Variants in KLRD1 observed in about 807,000 individuals in gnomAD.
KLRD1 encodes the protein natural killer cells antigen CD94.
KLRD1 carries 21 observed loss-of-function variants against 22.6 expected under a neutral mutation model. The observed-to-expected ratio is 0.93, with a 90% confidence interval of 0.66 to 1.34. The LOEUF (loss-of-function observed/expected upper bound fraction) is 1.34, where lower values mean the gene tolerates loss of function less well. Ranked by LOEUF, KLRD1 falls within the 40% of genes most tolerant of loss-of-function variation. The probability of loss-of-function intolerance (pLI) is 0.00; values close to 1 mark genes in which losing one functional copy is unlikely to be tolerated. For synonymous variants in KLRD1, 59 were observed against 71.1 expected (o/e 0.83, Z 0.85); for missense variants, 183 against 208.6 (o/e 0.88, Z 0.76).
chr12:10,284,177 ACT>A (rs1375093840), intron 1 of KLRD1, among the ~76,000 whole-genome samples: 1 of 151,880 alleles, frequency 6.6e-6, no homozygotes, highest in Non-Finnish European at 1.5e-5. Context: ...CAAGAGTAAA[ACT>A]CTCTCTCAAA....
intron 1 of KLRD1, among the ~76,000 whole-genome samples, chr12:10,262,480 T>C (rs540709794): frequency 1.8e-4 from 27 of 152,236 alleles, no homozygotes; most frequent in African/African-American, 6.3e-4. Flanking sequence ...TTCTGACAAG[T>C]ACACCATTGT....
intron 1 of KLRD1, among the ~76,000 whole-genome samples, chr12:10,283,392 G>A (rs774055783): frequency 2.6e-5 from 4 of 152,180 alleles, no homozygotes; most frequent in Non-Finnish European, 5.9e-5. Context: ...AGCGGAGAGT[G>A]GGGATAAGGT....
At chr12:10,299,811 T>A (rs1314375103), upstream of KLRD1, among the ~76,000 whole-genome samples, 4 of 152,246 alleles carry the variant, frequency 2.6e-5, no homozygotes, top group Non-Finnish European at 5.9e-5. Flanking sequence ...GTGGAACTTC[T>A]TTCAAAATTG....
chr12:10,243,965 A>G (rs1010419739), intron 1 of KLRD1, among the ~76,000 whole-genome samples: 1 of 152,182 alleles, frequency 6.6e-6, no homozygotes, highest in Admixed American at 6.5e-5. Context: ...AGAGCTTCAG[A>G]TGGCTTCACT....
At chr12:10,263,922 C>G (rs531340395) in intron 1 of KLRD1, among the ~76,000 whole-genome samples, 12 of 152,066 alleles carry the variant, frequency 7.9e-5, no homozygotes, top group African/African-American at 2.6e-4. Flanking sequence ...TGGGTTATTC[C>G]GTATTTTAAA....
At chr12:10,313,300 G>A (rs1950141026) in intron 4 of KLRD1, 110 bp from the exon 5 acceptor site, 3 of 546,826 alleles carry the variant, frequency 5.5e-6, no homozygotes, top group Non-Finnish European at 3.2e-6. Context: ...ATTTCCGTTT[G>A]TGTGATGGAC....
In KLRD1 at chr12:10,324,819, T is replaced by TATATATATATATATATATATATAA. The variant is rs1491194964; in HGVS notation, c.*10049_*10050insAATATATATATATATATATATATA. ...GTATATATGTATATGTGTGTGTGTG[T>TATATATATATATATATATATATAA]ATATATATATATATATATATATATT... On this transcript the variant is annotated 3_prime_UTR_variant, in exon 6 of 6. Coordinates refer to ENST00000336164, the MANE Select transcript of KLRD1 (RefSeq NM_002262.5). 3.6e-4 allele frequency: 2 copies of TATATATATATATATATATATATAA among 5,600 alleles called. No homozygotes were observed. The highest frequency in any genetic ancestry group is 1.3e-3 in the Non-Finnish European group (2 of 1,538). 0.3% of individuals were successfully genotyped at this position (5,600 alleles called of 1,614,324 possible). A position where few individuals can be genotyped will look rare whatever the true frequency, so the allele number is the denominator to read the frequency against.
chr12:10,251,425 C>G (rs908771157), intron 1 of KLRD1, among the ~76,000 whole-genome samples: 17 of 151,966 alleles, frequency 1.1e-4, no homozygotes, highest in Non-Finnish European at 2.4e-4. Flanking sequence ...ATGCCCAGCC[C>G]TTTTATGCTA....
intron 1 of KLRD1, among the ~76,000 whole-genome samples, chr12:10,286,385 ATACATTAAAC>A (rs1949702969): frequency 6.6e-6 from 1 of 152,204 alleles, no homozygotes; most frequent in Non-Finnish European, 1.5e-5. Context: ...CTATATGTTT[ATACATTAAAC>A]CATTCTCAGA....
intron 1 of KLRD1, among the ~76,000 whole-genome samples, chr12:10,239,434 T>TTCCTTTCC (rs59390706): frequency 0.047 from 1,942 of 41,430 alleles, 214 homozygotes; most frequent in East Asian, 0.23. Context: ...CCTTCCTTCC[T>TTCCTTTCC]TTCCTTCCTT....
chr12:10,324,674 G>A lies in KLRD1; in HGVS notation c.*9881G>A, dbSNP rs973785457. 2.0e-5 allele frequency: 3 copies of A among 151,096 alleles called. No individual in the cohort carries two copies. The highest frequency in any genetic ancestry group is 7.3e-5 in the African/African-American group (3 of 41,204). The allele number at this position is 151,096 out of a possible 1,614,324, so 9.4% of individuals were successfully genotyped here. On this transcript the variant is annotated 3_prime_UTR_variant, in exon 6 of 6. Transcript: ENST00000336164. Reference sequence around the variant, plus strand: ...CTTAAGTTATACTCAGTAATGTTTTGTAGTTTTTAATATTCAGGCCTTTTA... The same window carrying A: ...CTTAAGTTATACTCAGTAATGTTTTATAGTTTTTAATATTCAGGCCTTTTA...
chr12:10,289,220 A>G (rs1949741581), intron 1 of KLRD1, among the ~76,000 whole-genome samples: 1 of 152,216 alleles, frequency 6.6e-6, no homozygotes, highest in African/African-American at 2.4e-5. Context: ...CCAACAGTTC[A>G]CCACAGAGAA....
At chr12:10,239,712 G>A (rs1022825134) in intron 1 of KLRD1, among the ~76,000 whole-genome samples, 4 of 151,194 alleles carry the variant, frequency 2.6e-5, no homozygotes, top group Admixed American at 6.6e-5. Context: ...CATGATCTCA[G>A]TTCACTGTAA....
chr12:10,309,212 A>C, intron 1 of KLRD1, 176 bp from the exon 2 acceptor site: 1 of 514,096 alleles, frequency 1.9e-6, no homozygotes, highest in Non-Finnish European at 3.4e-6. Flanking sequence ...ACATCACATA[A>C]AAATGTTGGT....
chr12:10,275,414 G>A (rs1023899113), intron 1 of KLRD1, among the ~76,000 whole-genome samples: 3 of 152,274 alleles, frequency 2.0e-5, no homozygotes, highest in Non-Finnish European at 4.4e-5. Context: ...TACTAATTTA[G>A]ACTATTTTAA....
At chr12:10,286,536 A>G (rs1161865356) in intron 1 of KLRD1, among the ~76,000 whole-genome samples, 2 of 152,074 alleles carry the variant, frequency 1.3e-5, no homozygotes, top group African/African-American at 4.8e-5. Flanking sequence ...GAAACTACTC[A>G]CTTTTGACAT....
Position 10,321,665 on chromosome 12 carries a change from A to G in KLRD1, c.*6872A>G, listed in dbSNP as rs555581254. The G allele has an allele frequency of 6.6e-6, 1 of 152,302 alleles. No homozygotes were observed. Among genetic ancestry groups the G allele is most frequent in the South Asian group, 2.1e-4 (1 of 4,830 alleles). 9.4% of individuals were successfully genotyped at this position (152,302 alleles called of 1,614,324 possible). Reference sequence around the variant, plus strand: ...TGTCTTTGGCGTTGCCCTTTCTCATATCATCTGATTTGGTGGAAGCCAGCT... The same window carrying G: ...TGTCTTTGGCGTTGCCCTTTCTCATGTCATCTGATTTGGTGGAAGCCAGCT... On this transcript the variant is annotated 3_prime_UTR_variant, in exon 6 of 6. Transcript: ENST00000336164.
Position 10,316,127 on chromosome 12 carries a change from A to AAAAG in KLRD1, c.*1337_*1338insGAAA, listed in dbSNP as rs1950221384. 2.0e-5 allele frequency: 3 copies of AAAAG among 151,366 alleles called. No homozygotes were observed. The highest frequency in any genetic ancestry group is 7.3e-5 in the African/African-American group (3 of 41,182). 9.4% of individuals were successfully genotyped at this position (151,366 alleles called of 1,614,324 possible). On this transcript the variant is annotated 3_prime_UTR_variant, in exon 6 of 6. Coordinates refer to ENST00000336164, the MANE Select transcript of KLRD1 (RefSeq NM_002262.5). ...AGCCAGACTCCTCTCCAAAAAAAAAAAAAAAAAAAAAAGATGAAAGGATTT... is the reference window on the plus strand; with the variant it reads ...AGCCAGACTCCTCTCCAAAAAAAAAAAAAGAAAAAAAAAAAAGATGAAAGGATTT...
upstream of KLRD1, among the ~76,000 whole-genome samples, chr12:10,300,210 C>T (rs1170758573): frequency 2.0e-5 from 3 of 152,112 alleles, no homozygotes; most frequent in Non-Finnish European, 4.4e-5. Flanking sequence ...TTACTTTATC[C>T]AGAACCATCA....
Sources: allele counts gnomAD v4.1 joint callset (sites outside exome capture counted in the v4.1 genomes callset), GRCh38; gene constraint gnomAD v4.1.1; transcripts MANE v1.5; gene names NCBI Gene and HGNC (gene_info 2026-07-23, HGNC 2026-07-21).